Variants in PUDP observed in about 807,000 individuals in gnomAD.
PUDP encodes pseudouridine-5'-phosphatase.
PUDP carries 8 observed loss-of-function variants against 9.4 expected under a neutral mutation model. That is an observed-to-expected ratio of 0.85 (90% confidence interval 0.50 to 1.53). PUDP has a LOEUF of 1.53. Among genes scored for constraint, PUDP ranks in the 40% most tolerant of loss-of-function variants. PUDP has a pLI of 0.00. For synonymous variants in PUDP, 99 were observed against 80.7 expected (o/e 1.23, Z -1.22); for missense variants, 188 against 189.7 (o/e 0.99, Z 0.05).
upstream of PUDP, chrX:6,721,668 T>C (rs902304035): frequency 1.8e-5 from 2 of 112,211 alleles, no homozygotes; most frequent in Admixed American, 1.9e-4. Flanking sequence ...TTATAGGACA[T>C]AACAGAAGAT....
chrX:6,863,072 C>G (rs1171640072), intron 3 of PUDP, among the ~76,000 whole-genome samples: 1 of 111,604 alleles, frequency 9.0e-6, no homozygotes, highest in Non-Finnish European at 1.9e-5. Flanking sequence ...AAGGAGTCTG[C>G]TATGTTGCCC....
At chrX:7,110,370 A>G (rs1056150481) in intron 1 of PUDP, among the ~76,000 whole-genome samples, 2 of 112,407 alleles carry the variant, frequency 1.8e-5, no homozygotes, top group Non-Finnish European at 3.8e-5. Context: ...GTTTTACCCA[A>G]CAAAGATATA....
In PUDP at chrX:6,715,800, G is replaced by A. The variant is rs1024579665; in HGVS notation, n.128+5617C>T. On this transcript the variant is annotated intron_variant and non_coding_transcript_variant, in intron 1 of 2. Transcript: ENST00000438499. Reference sequence around the variant, plus strand: ...TCCCTGGATAGAGATCCAGAAGTGGGCAGGCTTACCCTCAGAACTGCAAGA... The same window carrying A: ...TCCCTGGATAGAGATCCAGAAGTGGACAGGCTTACCCTCAGAACTGCAAGA... Among the ~76,000 whole-genome samples, 2 of 111,487 alleles carry A rather than the reference G, an allele frequency of 1.8e-5. 1 individual carries two copies. Among genetic ancestry groups the A allele is most frequent in the Admixed American group, 1.9e-4 (2 of 10,492 alleles).
chrX:6,828,959 G>T lies in PUDP; in HGVS notation c.*248-122493C>A, dbSNP rs76697186. ...ACCTACTGATATGGACTGAATGTTA[G>T]TGTCCCTCTAAAAATTCCTGTGTCA... On this transcript the variant is annotated intron_variant and NMD_transcript_variant, in intron 3 of 3. Transcript: ENST00000655425. 3.6e-5 allele frequency among the ~76,000 whole-genome samples: 4 copies of T among 110,774 alleles called. No homozygotes were observed. The East Asian group carries it at 8.5e-4, about 23-fold the overall frequency.
rs943956713 is a variant in PUDP at position 7,117,140 on chromosome X, G to A, written c.62-11302C>T. ...GGCCTAATACAGAAAATTGGTACCA[G>A]AAGTGGCGTGTTGCTACAAGGATAC... On this transcript the variant is annotated intron_variant, in intron 1 of 3. Coordinates refer to ENST00000381077, the MANE Select transcript of PUDP (RefSeq NM_012080.5). The A allele has an allele frequency of 1.4e-5, 15 of 1,047,425 alleles. No homozygotes were observed. In the African/African-American group the frequency reaches 2.1e-4, roughly 14 times the overall value. 86.3% of individuals were successfully genotyped at this position (1,047,425 alleles called of 1,213,427 possible).
At chrX:6,795,506 C>T (rs1925829708) in intron 3 of PUDP, among the ~76,000 whole-genome samples, 1 of 111,659 alleles carries the variant, frequency 9.0e-6, no homozygotes, top group Non-Finnish European at 1.9e-5. Context: ...TGCCTGCCTA[C>T]AGTGGATTGC....
At chrX:6,791,206 T>C (rs577473559) in intron 3 of PUDP, among the ~76,000 whole-genome samples, 10 of 108,044 alleles carry the variant, frequency 9.3e-5, no homozygotes, top group African/African-American at 3.0e-4. Context: ...AAACAAAAAA[T>C]TGACTGGGCA....
intron 1 of PUDP, among the ~76,000 whole-genome samples, chrX:7,124,769 A>T (rs1481077238): frequency 9.1e-6 from 1 of 110,350 alleles, no homozygotes; most frequent in Non-Finnish European, 1.9e-5. Flanking sequence ...ACACGGTGAA[A>T]CCCTGTCTCT....
At chrX:7,000,615 G>C (rs190355440) in intron 1 of PUDP, among the ~76,000 whole-genome samples, 31 of 108,154 alleles carry the variant, frequency 2.9e-4, no homozygotes, top group Non-Finnish European at 4.0e-4. Flanking sequence ...TATATAAATA[G>C]AAACAAATAT....
At chrX:6,793,763 G>C (rs187015671) in intron 3 of PUDP, among the ~76,000 whole-genome samples, 1 of 111,023 alleles carries the variant, frequency 9.0e-6, no homozygotes, top group Admixed American at 9.6e-5. Context: ...AAGAAAAGAC[G>C]GTAAAGATTG....
At chrX:6,737,762 C>G (rs1406733118) in intron 3 of PUDP, among the ~76,000 whole-genome samples, 1 of 111,484 alleles carries the variant, frequency 9.0e-6, no homozygotes, top group South Asian at 3.8e-4. Flanking sequence ...AGCAGCACCA[C>G]CCACCCCATT....
chrX:6,939,317 ATAAT>A (rs1405222993), intron 3 of PUDP, among the ~76,000 whole-genome samples: 1 of 107,092 alleles, frequency 9.3e-6, no homozygotes, highest in Non-Finnish European at 1.9e-5. Flanking sequence ...CATCTATTTA[ATAAT>A]TATTTAATAT....
chrX:6,802,584 A>G lies in PUDP; in HGVS notation c.*248-96118T>C, dbSNP rs767717493. ...GGGTAAAGTCTGTGGGAAAATGGTA[A>G]CATAACTAGAGCTGGAGGGCTGGGT... is the stretch of plus-strand genomic sequence containing the variant. On this transcript the variant is annotated intron_variant and NMD_transcript_variant, in intron 3 of 3. Coordinates refer to the PUDP transcript ENST00000655425. Among the ~76,000 whole-genome samples, 7 of 111,036 alleles carry G rather than the reference A, an allele frequency of 6.3e-5. No individual in the cohort carries two copies. In the East Asian group the frequency reaches 2.0e-3, roughly 32 times the overall value.
intron 3 of PUDP, among the ~76,000 whole-genome samples, chrX:6,795,801 T>C (rs1288063517): frequency 9.0e-6 from 1 of 111,501 alleles, no homozygotes; most frequent in Non-Finnish European, 1.9e-5. Context: ...TCTACTCTAT[T>C]GGACTCTTTG....
intron 2 of PUDP, among the ~76,000 whole-genome samples, chrX:7,095,803 C>T (rs903237553): frequency 8.9e-6 from 1 of 112,601 alleles, no homozygotes; most frequent in Admixed American, 9.4e-5. Context: ...CCTTCTTGGC[C>T]TGGAAGCTGA....
intron 3 of PUDP, among the ~76,000 whole-genome samples, chrX:7,064,436 G>A (rs779355970): frequency 1.8e-5 from 2 of 111,867 alleles, no homozygotes; most frequent in Non-Finnish European, 3.8e-5. Context: ...TTCAGGTGTG[G>A]TTTCTCAGTA....
chrX:6,903,776 T>C (rs1031284676), intron 3 of PUDP, among the ~76,000 whole-genome samples: 1 of 109,298 alleles, frequency 9.1e-6, no homozygotes, highest in Non-Finnish European at 1.9e-5. Flanking sequence ...TAATAGACAC[T>C]GGGGACTCAA....
intron 3 of PUDP, among the ~76,000 whole-genome samples, chrX:6,853,282 G>T (rs1036557987): frequency 2.7e-5 from 3 of 110,884 alleles, no homozygotes; most frequent in Non-Finnish European, 3.8e-5. Context: ...GCCTGATGGG[G>T]TTTTTTTCTT....
At chrX:6,983,604 T>A (rs564065288) in intron 1 of PUDP, among the ~76,000 whole-genome samples, 3 of 112,163 alleles carry the variant, frequency 2.7e-5, no homozygotes, top group African/African-American at 9.7e-5. Context: ...TCATTTGTTT[T>A]ACAAGAACAG....
Sources: allele counts gnomAD v4.1 joint callset (sites outside exome capture counted in the v4.1 genomes callset), GRCh38; gene constraint gnomAD v4.1.1; transcripts MANE v1.5; gene names NCBI Gene and HGNC (gene_info 2026-07-23, HGNC 2026-07-21).